The following GRIK2 variants were observed in gnomAD, a reference collection of about 807,000 sequenced individuals.
GRIK2 encodes glutamate ionotropic receptor kainate type subunit 2.
Under a neutral mutation model 100.3 loss-of-function variants are expected in GRIK2, and 32 were observed. The observed-to-expected ratio is 0.32, with a 90% CI of 0.24 to 0.43. GRIK2 has a LOEUF of 0.43. Among genes scored for constraint, GRIK2 ranks in the 20% least tolerant of loss-of-function variants. The pLI, the probability that GRIK2 is intolerant of heterozygous loss-of-function variation, is 1.00. For synonymous variants in GRIK2, 417 were observed against 389.4 expected (o/e 1.07, Z -0.83); for missense variants, 843 against 1,114.9 (o/e 0.76, Z 3.47).
chr6:101,598,671 A>C (rs1332002121), intron 2 of GRIK2, among the ~76,000 whole-genome samples: 1 of 151,210 alleles, frequency 6.6e-6, no homozygotes, highest in Non-Finnish European at 1.5e-5. Context: ...AAAGTATTCT[A>C]CAATGACTTT....
At chr6:101,537,782 G>A (rs970778577) in intron 2 of GRIK2, among the ~76,000 whole-genome samples, 1 of 151,626 alleles carries the variant, frequency 6.6e-6, no homozygotes, top group Non-Finnish European at 1.5e-5. Context: ...TCCTATTTTC[G>A]AGTGGACTGT....
chr6:101,787,842 T>A (rs998117671), intron 7 of GRIK2, among the ~76,000 whole-genome samples: 23 of 152,268 alleles, frequency 1.5e-4, no homozygotes, highest in African/African-American at 4.8e-4. Flanking sequence ...AGTTTTAATC[T>A]GATGTTTGTT....
intron 7 of GRIK2, among the ~76,000 whole-genome samples, chr6:101,704,905 T>A (rs1773148883): frequency 6.7e-6 from 1 of 149,396 alleles, no homozygotes; most frequent in South Asian, 2.1e-4. Flanking sequence ...TTGATAATAA[T>A]TATAAATTGG....
Position 101,645,736 on chromosome 6 carries a change from C to T in GRIK2, c.541+19099C>T, listed in dbSNP as rs181547445. Among the ~76,000 whole-genome samples, 4 of 151,808 alleles carry T rather than the reference C, an allele frequency of 2.6e-5. No homozygotes were observed. The East Asian group carries it at 7.8e-4, about 29-fold the overall frequency. On this transcript the variant is annotated intron_variant, in intron 4 of 16. Coordinates refer to ENST00000369134, the MANE Select transcript of GRIK2 (RefSeq NM_021956.5). ...TTTACAAGTTGATGGGTTTTTATTG[C>T]AGCATTATGTAAAAAAGCTTGAACT...
intron 14 of GRIK2, among the ~76,000 whole-genome samples, chr6:102,007,878 T>A (rs193037219): frequency 1.8e-3 from 281 of 152,060 alleles, no homozygotes; most frequent in African/African-American, 6.2e-3. Context: ...TTCCTAAATG[T>A]AGGAAAAAAT....
chr6:101,429,817 A>T (rs1229150740), intron 2 of GRIK2, among the ~76,000 whole-genome samples: 1 of 152,192 alleles, frequency 6.6e-6, no homozygotes, highest in Non-Finnish European at 1.5e-5. Context: ...AAGAATTGAG[A>T]ATAGTGTGCA....
chr6:101,601,618 T>C (rs921563865), intron 2 of GRIK2, among the ~76,000 whole-genome samples: 2 of 151,984 alleles, frequency 1.3e-5, no homozygotes, highest in South Asian at 2.1e-4. Flanking sequence ...AACTCAATGT[T>C]GATCTGTTCA....
intron 14 of GRIK2, among the ~76,000 whole-genome samples, chr6:102,010,203 T>C (rs747338162): frequency 1.3e-5 from 2 of 152,066 alleles, no homozygotes; most frequent in Non-Finnish European, 2.9e-5. Context: ...TATCACCCAA[T>C]GTCCATAGTT....
At chr6:101,941,508 A>G (rs1424014600) in intron 14 of GRIK2, among the ~76,000 whole-genome samples, 1 of 151,882 alleles carries the variant, frequency 6.6e-6, no homozygotes, top group East Asian at 1.9e-4. Context: ...TTTTTTTCTT[A>G]ATAGTAAAAA....
intron 7 of GRIK2, among the ~76,000 whole-genome samples, chr6:101,775,390 A>G (rs1778675689): frequency 6.6e-6 from 1 of 152,040 alleles, no homozygotes; most frequent in Admixed American, 6.6e-5. Context: ...AGTGCTGCCT[A>G]CTTTACTTGA....
intron 2 of GRIK2, among the ~76,000 whole-genome samples, chr6:101,510,683 C>G (rs901949240): frequency 1.5e-4 from 23 of 151,460 alleles, no homozygotes; most frequent in Middle Eastern, 6.8e-3. Flanking sequence ...CCACCATGCC[C>G]AGCTAATTTT....
At chr6:101,925,824 C>T (rs1186594378) in intron 13 of GRIK2, among the ~76,000 whole-genome samples, 2 of 151,870 alleles carry the variant, frequency 1.3e-5, no homozygotes, top group African/African-American at 4.8e-5. Flanking sequence ...AAAAAGGCAT[C>T]GTGCTATTGC....
At chr6:101,888,409 C>T (rs1786809391) in intron 11 of GRIK2, among the ~76,000 whole-genome samples, 1 of 152,142 alleles carries the variant, frequency 6.6e-6, no homozygotes, top group Non-Finnish European at 1.5e-5. Context: ...TGCTGTTGTA[C>T]AGCAGCTACC....
At chr6:101,947,587 T>A (rs938153856) in intron 14 of GRIK2, among the ~76,000 whole-genome samples, 12 of 152,156 alleles carry the variant, frequency 7.9e-5, no homozygotes, top group African/African-American at 2.7e-4. Flanking sequence ...AAATGTGATA[T>A]AAGAGAAACA....
chr6:101,526,518 A>G (rs917299258), intron 2 of GRIK2, among the ~76,000 whole-genome samples: 11 of 152,142 alleles, frequency 7.2e-5, no homozygotes, highest in Admixed American at 3.3e-4. Context: ...ATATTCTCTC[A>G]CCTTAAATGT....
chr6:101,814,157 A>G (rs1000488334), intron 9 of GRIK2, among the ~76,000 whole-genome samples: 1 of 152,118 alleles, frequency 6.6e-6, no homozygotes, highest in Non-Finnish European at 1.5e-5. Context: ...TTATCTCCCA[A>G]TTACCATAGG....
At position 101,987,678 on chromosome 6, in the gene GRIK2, TAATC is replaced by T. The variant is rs1424803978; in HGVS notation, c.2086-47659_2086-47656del. On this transcript the variant is annotated intron_variant, in intron 14 of 16. Transcript: ENST00000369134. ...AGTATATAGTTATATTTAATTATAT[TAATC>T]AATTTATGGAAATTTAAATTTATGA... Among the ~76,000 whole-genome samples the T allele has an allele frequency of 2.1e-4, 32 of 150,556 alleles. No individual in the cohort carries two copies. In the East Asian group the frequency reaches 5.1e-3, roughly 24 times the overall value.
At chr6:101,668,499 C>T (rs1339729039) in intron 4 of GRIK2, among the ~76,000 whole-genome samples, 1 of 151,966 alleles carries the variant, frequency 6.6e-6, no homozygotes, top group Non-Finnish European at 1.5e-5. Context: ...AGCCCACATA[C>T]ATTCTAATAA....
chr6:101,962,231 G>A (rs1010555772), intron 14 of GRIK2, among the ~76,000 whole-genome samples: 7 of 151,910 alleles, frequency 4.6e-5, no homozygotes, highest in African/African-American at 1.7e-4. Context: ...TTAATAGACT[G>A]TGGCACTCTT....
Sources: gnomAD v4.1 joint callset for allele counts (sites outside exome capture counted in the v4.1 genomes callset) on GRCh38, gnomAD v4.1.1 for gene constraint, MANE v1.5 for transcripts, NCBI Gene and HGNC (gene_info 2026-07-23, HGNC 2026-07-21) for gene names.